BZW2: variants seen among roughly 807,000 people sequenced by gnomAD.
The protein encoded by BZW2 is basic leucine zipper and W2 domains 2.
BZW2 carries 23 observed loss-of-function variants against 53.2 expected under a neutral mutation model. The ratio of observed to expected loss-of-function variants is 0.43; its 90% CI spans 0.31 to 0.61. The LOEUF is 0.61. Ranked by LOEUF, BZW2 falls within the 20% of genes least tolerant of loss-of-function variation. The pLI is 0.09. For missense variants in BZW2, 409 were observed against 503.1 expected (o/e 0.81, Z 1.79); for synonymous variants, 227 against 186.4 (o/e 1.22, Z -1.77).
chr7:16,679,775 T>A (rs1782880727), intron 3 of BZW2, among the ~76,000 whole-genome samples: 1 of 152,220 alleles, frequency 6.6e-6, no homozygotes, highest in Non-Finnish European at 1.5e-5. Context: ...CTGGTATAAG[T>A]ATATACACTA....
At chr7:16,675,168 T>C (rs78782718) in intron 3 of BZW2, among the ~76,000 whole-genome samples, 6,121 of 152,270 alleles carry the variant, frequency 0.04, 164 homozygotes, top group Non-Finnish European at 0.059. Flanking sequence ...ATTAAGTAGA[T>C]GATTCTAATA....
intron 1 of BZW2, 38 bp from the exon 2 acceptor site, chr7:16,665,399 T>C (rs750329175): frequency 1.7e-5 from 27 of 1,613,150 alleles, no homozygotes; most frequent in African/African-American, 2.7e-5. Flanking sequence ...ATAAACTGCT[T>C]ATCTGAAATA....
intron 1 of BZW2, among the ~76,000 whole-genome samples, chr7:16,646,877 G>C (rs941289551): frequency 2.6e-5 from 4 of 152,184 alleles, no homozygotes; most frequent in Admixed American, 6.5e-5. Context: ...GACAGCCTGT[G>C]GGAGGGGGAA....
At chr7:16,647,702 G>A (rs2128348744) in intron 1 of BZW2, among the ~76,000 whole-genome samples, 1 of 152,306 alleles carries the variant, frequency 6.6e-6, no homozygotes, top group Non-Finnish European at 1.5e-5. Flanking sequence ...CTTTTGTAAT[G>A]CTGTTAGTTC....
At chr7:16,653,921 T>C (rs1782050310) in intron 1 of BZW2, among the ~76,000 whole-genome samples, 1 of 151,878 alleles carries the variant, frequency 6.6e-6, no homozygotes, top group Admixed American at 6.6e-5. Flanking sequence ...CAGTGTGTTA[T>C]TACTTTAAAG....
Position 16,674,589 on chromosome 7 carries a change from G to A in BZW2, c.235+1G>A. 6.3e-7 allele frequency: 1 copy of A among 1,586,342 alleles called. No individual in the cohort carries two copies. The highest frequency in any genetic ancestry group is 8.6e-7 in the Non-Finnish European group (1 of 1,165,552). ...ATCCTGGTGGCTGGCAGTATGCTTG[G>A]TAAACCATGCATTATCGCTTCTTGT... On this transcript the variant is annotated splice_donor_variant, in intron 3 of 11. Transcript: ENST00000258761. LOFTEE classifies it high-confidence loss of function.
At chr7:16,670,965 T>C (rs975552839) in intron 2 of BZW2, among the ~76,000 whole-genome samples, 8 of 152,248 alleles carry the variant, frequency 5.3e-5, no homozygotes, top group East Asian at 1.9e-4. Context: ...CTCATGCTTA[T>C]GTGACTAGTG....
chr7:16,661,361 C>T (rs922599832), intron 1 of BZW2: 1 of 152,064 alleles, frequency 6.6e-6, no homozygotes, highest in African/African-American at 2.4e-5. Context: ...TTAAGGTGGG[C>T]TGGGTAACTG....
chr7:16,675,328 T>G (rs2128358975), intron 3 of BZW2, among the ~76,000 whole-genome samples: 1 of 152,302 alleles, frequency 6.6e-6, no homozygotes, highest in Non-Finnish European at 1.5e-5. Flanking sequence ...TGTGCAAGTG[T>G]TTTAGTTGTT....
rs370036400 is a variant in BZW2 at position 16,668,863 on chromosome 7, CACTT to C, written c.58+3364_58+3367del. Reference sequence around the variant, plus strand: ...CTCTTTTCCTTTATGAAACACATCTCACTTATGATATATTCTCCAAAGTAATTAT... The same window carrying C: ...CTCTTTTCCTTTATGAAACACATCTCATGATATATTCTCCAAAGTAATTAT... On this transcript the variant is annotated intron_variant, in intron 2 of 11. Coordinates refer to ENST00000258761, the MANE Select transcript of BZW2 (RefSeq NM_014038.3). Among the ~76,000 whole-genome samples the C allele has an allele frequency of 1.1e-3, 167 of 152,326 alleles. 1 individual carries two copies. The highest frequency in any genetic ancestry group is 1.8e-3 in the Non-Finnish European group (122 of 68,036).
intron 2 of BZW2, among the ~76,000 whole-genome samples, chr7:16,670,702 C>T (rs1782573039): frequency 6.6e-6 from 1 of 152,142 alleles, no homozygotes; most frequent in Admixed American, 6.5e-5. Flanking sequence ...CCCCTCCTCC[C>T]ACTCCACCTA....
chr7:16,664,313 G>A (rs1782355392), intron 1 of BZW2, among the ~76,000 whole-genome samples: 1 of 152,172 alleles, frequency 6.6e-6, no homozygotes, highest in Non-Finnish European at 1.5e-5. Context: ...TAAAATGGCA[G>A]GCACTGCTAA....
intron 10 of BZW2, among the ~76,000 whole-genome samples, chr7:16,698,702 T>G (rs531684280): frequency 6.6e-6 from 1 of 152,284 alleles, no homozygotes; most frequent in East Asian, 1.9e-4. Flanking sequence ...TTCATTGTAT[T>G]TATAAGGATT....
chr7:16,683,887 C>A (rs561335491), intron 5 of BZW2, among the ~76,000 whole-genome samples: 113 of 152,282 alleles, frequency 7.4e-4, no homozygotes, highest in African/African-American at 2.6e-3. Flanking sequence ...GCACCCCACC[C>A]CACCCAGTTC....
chr7:16,678,818 T>C (rs1562487039), intron 3 of BZW2, among the ~76,000 whole-genome samples: 1 of 151,848 alleles, frequency 6.6e-6, no homozygotes, highest in Non-Finnish European at 1.5e-5. Flanking sequence ...CAGCTGGGTC[T>C]CGGGGGGTGA....
intron 1 of BZW2, among the ~76,000 whole-genome samples, chr7:16,653,004 A>G (rs1310550816): frequency 6.6e-6 from 1 of 151,530 alleles, no homozygotes; most frequent in Non-Finnish European, 1.5e-5. Flanking sequence ...TGCTCTCATT[A>G]TGTAATAAGC....
chr7:16,666,455 T>C (rs959768490), intron 2 of BZW2, among the ~76,000 whole-genome samples: 1 of 151,064 alleles, frequency 6.6e-6, no homozygotes, highest in East Asian at 1.9e-4. Flanking sequence ...CAGGCTGGAG[T>C]GCAGTGGCGC....
At chr7:16,660,780 T>A (rs1782232957) in intron 1 of BZW2, among the ~76,000 whole-genome samples, 1 of 152,162 alleles carries the variant, frequency 6.6e-6, no homozygotes, top group Non-Finnish European at 1.5e-5. Flanking sequence ...ATAGTGCTGA[T>A]AGAGAACGTT....
At chr7:16,649,460 TG>T (rs1251830865) in intron 1 of BZW2, among the ~76,000 whole-genome samples, 1 of 152,210 alleles carries the variant, frequency 6.6e-6, no homozygotes, top group Non-Finnish European at 1.5e-5. Flanking sequence ...GACATTCTGA[TG>T]AATGCTATCA....
Sources: gnomAD v4.1 joint callset for allele counts (sites outside exome capture counted in the v4.1 genomes callset) on GRCh38, gnomAD v4.1.1 for gene constraint, MANE v1.5 for transcripts, NCBI Gene and HGNC (gene_info 2026-07-23, HGNC 2026-07-21) for gene names.